PDC: variants seen among roughly 807,000 people sequenced by gnomAD.
The protein encoded by PDC is 33 kDa phototransducing protein.
Under a neutral mutation model 22.2 loss-of-function variants are expected in PDC, and 19 were observed. The ratio of observed to expected loss-of-function variants is 0.86; its 90% CI spans 0.60 to 1.26. The LOEUF (loss-of-function observed/expected upper bound fraction) is 1.26. Among genes scored for constraint, PDC ranks in the 50% most tolerant of loss-of-function variants. The pLI is 0.00. For synonymous variants in PDC, 97 were observed against 96.2 expected (o/e 1.01, Z -0.05); for missense variants, 274 against 286.8 (o/e 0.96, Z 0.32).
intron 1 of PDC, among the ~76,000 whole-genome samples, chr1:186,458,105 G>T (rs1293098570): frequency 2.1e-5 from 3 of 143,708 alleles, no homozygotes; most frequent in Non-Finnish European, 4.5e-5. Context: ...CTGTTATCCT[G>T]TATCATCAGT....
At chr1:186,459,743 T>C (rs1328240497) in intron 1 of PDC, among the ~76,000 whole-genome samples, 2 of 82,676 alleles carry the variant, frequency 2.4e-5, no homozygotes, top group African/African-American at 1.2e-4. Context: ...GGACAATATG[T>C]GTGTGTGTGT....
rs899862057 is a variant in PDC at position 186,443,912 on chromosome 1, A to G, written c.*67T>C. 2 of 1,198,780 alleles carry G rather than the reference A, an allele frequency of 1.7e-6. No homozygotes were observed. The highest frequency in any genetic ancestry group is 2.4e-6 in the Non-Finnish European group (2 of 831,540). 74.3% of individuals were successfully genotyped at this position (1,198,780 alleles called of 1,614,324 possible). ...CATACTCTGTGTTCACTAAAGCAAT[A>G]TAGATACTACCAAAACCATCATCCA... On this transcript the variant is annotated 3_prime_UTR_variant, in exon 4 of 4. Coordinates refer to ENST00000391997, the MANE Select transcript of PDC (RefSeq NM_002597.5).
chr1:186,455,541 T>C (rs1662439397), intron 1 of PDC, among the ~76,000 whole-genome samples: 1 of 152,122 alleles, frequency 6.6e-6, no homozygotes, highest in African/African-American at 2.4e-5. Flanking sequence ...CCACCTACCC[T>C]TTAAAATTGC....
intron 1 of PDC, among the ~76,000 whole-genome samples, chr1:186,460,672 A>G (rs1662564274): frequency 6.6e-6 from 1 of 152,012 alleles, no homozygotes; most frequent in South Asian, 2.1e-4. Flanking sequence ...CAACTACCGC[A>G]CTCCTTTTCC....
intron 1 of PDC, among the ~76,000 whole-genome samples, chr1:186,458,930 G>A (rs1243152540): frequency 6.6e-6 from 1 of 152,202 alleles, no homozygotes; most frequent in Admixed American, 6.5e-5. Context: ...GAGAGGCCAA[G>A]GCAGGTGGAT....
chr1:186,449,585 T>G, intron 1 of PDC, 102 bp from the exon 2 acceptor site: 1 of 523,032 alleles, frequency 1.9e-6, no homozygotes, highest in Non-Finnish European at 3.4e-6. Flanking sequence ...TATAGTCTCC[T>G]GCTGCCAGAT....
At chr1:186,449,889 T>A (rs1054318497) in intron 1 of PDC, among the ~76,000 whole-genome samples, 1 of 152,140 alleles carries the variant, frequency 6.6e-6, no homozygotes, top group East Asian at 1.9e-4. Flanking sequence ...AAAATTAAAT[T>A]AATAATTATA....
chr1:186,460,237 T>A (rs1029465705), intron 1 of PDC, among the ~76,000 whole-genome samples: 1 of 152,136 alleles, frequency 6.6e-6, no homozygotes, highest in Non-Finnish European at 1.5e-5. Context: ...AGATGAAAAA[T>A]TCCAGAGATA....
Position 186,444,387 on chromosome 1 carries a change from A to T in PDC, c.333T>A (p.Tyr111Ter), listed in dbSNP as rs772521962. 1.2e-5 allele frequency: 20 copies of T among 1,613,954 alleles called. No individual in the cohort carries two copies. ...CAGTTTCCAGCTCATACACAAACCC[A>T]TATCTAGGCCCAAAACTCAGCTTCT... ...MHQKLSFGPR[Y>*]GFVYELETGK... The change falls in exon 4 of 4, where the codon TAT (tyrosine) becomes TAA (stop). Residue 111 changes from tyrosine (Y) to a stop codon, truncating the protein, a stop_gained. Coordinates refer to ENST00000391997, the MANE Select transcript of PDC (RefSeq NM_002597.5). LOFTEE classifies it high-confidence loss of function.
chr1:186,452,729 C>T (rs902281488), intron 1 of PDC, among the ~76,000 whole-genome samples: 1 of 152,110 alleles, frequency 6.6e-6, no homozygotes, highest in African/African-American at 2.4e-5. Flanking sequence ...TTCATGTCTA[C>T]TTTAGGCTGA....
At chr1:186,459,705 T>C (rs1200847183) in intron 1 of PDC, among the ~76,000 whole-genome samples, 1 of 147,666 alleles carries the variant, frequency 6.8e-6, no homozygotes. Flanking sequence ...AGCTTTAATA[T>C]GAGGTGATTC....
intron 2 of PDC, among the ~76,000 whole-genome samples, chr1:186,448,298 C>T (rs1181388038): frequency 2.0e-5 from 3 of 152,138 alleles, no homozygotes; most frequent in Non-Finnish European, 4.4e-5. Flanking sequence ...ATTAAACTTA[C>T]TTGCTTTCAC....
intron 1 of PDC, among the ~76,000 whole-genome samples, chr1:186,460,040 C>G (rs983369213): frequency 2.0e-5 from 3 of 151,736 alleles, no homozygotes; most frequent in Non-Finnish European, 4.4e-5. Context: ...AGTAACCTTT[C>G]AAAACAAACA....
At chr1:186,455,998 T>TATATATATATATATATATATGCATGC (rs1558131945) in intron 1 of PDC, among the ~76,000 whole-genome samples, 20 of 50,860 alleles carry the variant, frequency 3.9e-4, no homozygotes, top group African/African-American at 1.9e-3. Context: ...AAAAAAAATA[T>TATATATATATATATATATATGCATGC]ATATATATAT....
intron 1 of PDC, among the ~76,000 whole-genome samples, chr1:186,455,843 G>T (rs555646772): frequency 7.2e-6 from 1 of 139,644 alleles, no homozygotes; most frequent in Non-Finnish European, 1.5e-5. Context: ...GTGGTGGCGG[G>T]TGCCTGTAGT....
At chr1:186,446,224 C>T (rs1457832271) in intron 3 of PDC, among the ~76,000 whole-genome samples, 6 of 152,124 alleles carry the variant, frequency 3.9e-5, no homozygotes, top group Admixed American at 6.5e-5. Flanking sequence ...CTCATGTATT[C>T]GTAACGAATT....
At chr1:186,447,275 A>T (rs1662253099) in intron 2 of PDC, among the ~76,000 whole-genome samples, 1 of 152,008 alleles carries the variant, frequency 6.6e-6, no homozygotes, top group Admixed American at 6.6e-5. Context: ...CAGTCTCCCG[A>T]GTAGCTGGGA....
chr1:186,449,727 A>G (rs949873507), intron 1 of PDC, among the ~76,000 whole-genome samples: 2 of 152,184 alleles, frequency 1.3e-5, no homozygotes, highest in African/African-American at 2.4e-5. Context: ...TAAGGATTTT[A>G]TATAATTCAT....
chr1:186,448,987 A>G (rs999867802), intron 2 of PDC, among the ~76,000 whole-genome samples: 14 of 152,124 alleles, frequency 9.2e-5, no homozygotes, highest in African/African-American at 3.4e-4. Flanking sequence ...AAATAAAGGG[A>G]ATATCTTATC....
Sources: allele counts gnomAD v4.1 joint callset (sites outside exome capture counted in the v4.1 genomes callset), GRCh38; gene constraint gnomAD v4.1.1; transcripts MANE v1.5; gene names NCBI Gene and HGNC (gene_info 2026-07-23, HGNC 2026-07-21).